RGPD2: variants seen among roughly 807,000 people sequenced by gnomAD.
The protein encoded by RGPD2 is RANBP2-like and GRIP domain-containing protein 2.
Under a neutral mutation model 36.0 loss-of-function variants are expected in RGPD2, and 2 were observed. That is an observed-to-expected ratio of 0.06 (90% CI 0.02 to 0.17). The LOEUF (loss-of-function observed/expected upper bound fraction) is 0.17. RGPD2 is among the 10% of genes least tolerant of loss of function. The pLI, the probability that RGPD2 is intolerant of heterozygous loss-of-function variation, is 1.00. For missense variants in RGPD2, 40 were observed against 464.3 expected (o/e 0.09, Z 8.40); for synonymous variants, 19 against 163.8 (o/e 0.12, Z 6.75).
At chr2:87,853,136 C>T in the RGPD2 span, among the ~76,000 whole-genome samples, 3 of 152,010 alleles carry the variant, frequency 2.0e-5, no homozygotes, top group African/African-American at 7.3e-5. Context: ...AATATTTTTG[C>T]CCCTGGTAAC....
chr2:87,886,128 T>C, the RGPD2 span, among the ~76,000 whole-genome samples: 1 of 151,962 alleles, frequency 6.6e-6, no homozygotes, highest in Non-Finnish European at 1.5e-5. Flanking sequence ...TATTTGACCA[T>C]GCTGGCCTCT....
chr2:87,980,261 G>T, the RGPD2 span, among the ~76,000 whole-genome samples: 1 of 122,100 alleles, frequency 8.2e-6, no homozygotes, highest in African/African-American at 2.9e-5. Context: ...TGAGACAGGA[G>T]AACTGCTTGA....
At chr2:87,864,053 T>C in the RGPD2 span, among the ~76,000 whole-genome samples, 2 of 151,988 alleles carry the variant, frequency 1.3e-5, no homozygotes, top group African/African-American at 4.8e-5. Context: ...CTTCTTGTTA[T>C]GGTTCATTTA....
chr2:87,807,387 T>TG lies in RGPD2; in HGVS notation c.780-497_780-496insC, dbSNP rs1240072256. Reference sequence around the variant, plus strand: ...TCATTACAGCGTTAAATTGTTTTTTTTTTTTTTTTTTTTTTTTGAGACAGA... The same window carrying TG: ...TCATTACAGCGTTAAATTGTTTTTTTGTTTTTTTTTTTTTTTTTGAGACAGA... On this transcript the variant is annotated intron_variant, in intron 6 of 22. Transcript: ENST00000398146. Among the ~76,000 whole-genome samples, 10 of 127,758 alleles carry TG rather than the reference T, an allele frequency of 7.8e-5. 1 individual carries two copies. The highest frequency in any genetic ancestry group is 3.5e-4 in the African/African-American group (10 of 28,456). The allele number at this position is 127,758 out of a possible 152,430, so 83.8% of individuals were successfully genotyped here. A position where few individuals can be genotyped will look rare whatever the true frequency, so the allele number is the denominator to read the frequency against.
At chr2:87,887,872 TA>T in the RGPD2 span, among the ~76,000 whole-genome samples, 1 of 110,494 alleles carries the variant, frequency 9.1e-6, no homozygotes. Flanking sequence ...ACTAAAAAAT[TA>T]AGCAAATGTT....
At chr2:87,937,494 C>T in the RGPD2 span, among the ~76,000 whole-genome samples, 1 of 151,668 alleles carries the variant, frequency 6.6e-6, no homozygotes, top group Non-Finnish European at 1.5e-5. Flanking sequence ...AAACTTATAA[C>T]CGTGAAGAAA....
the RGPD2 span, among the ~76,000 whole-genome samples, chr2:87,876,738 G>C: frequency 1.3e-5 from 2 of 152,198 alleles, no homozygotes; most frequent in Admixed American, 6.5e-5. Flanking sequence ...GCTTGATCCA[G>C]AGTTGAGTCC....
rs936818083 is a variant in RGPD2 at position 87,815,161 on chromosome 2, T to C, written c.402+1108A>G. On this transcript the variant is annotated intron_variant, in intron 4 of 22. Transcript: ENST00000398146. ...TGAAAGAAAACTATATACATACACA[T>C]TGTACCAATGTCAAAATTCCTGATT... 1.4e-4 allele frequency among the ~76,000 whole-genome samples: 21 copies of C among 147,932 alleles called. 3 individuals carry two copies. The highest frequency in any genetic ancestry group is 2.1e-4 in the Non-Finnish European group (14 of 67,934).
the RGPD2 span, among the ~76,000 whole-genome samples, chr2:87,841,428 G>A: frequency 2.6e-5 from 4 of 152,102 alleles, no homozygotes; most frequent in Non-Finnish European, 4.4e-5. Context: ...TTATAGCAAT[G>A]TGAGAAAAAC....
At chr2:87,857,186 A>G in the RGPD2 span, among the ~76,000 whole-genome samples, 157 of 152,360 alleles carry the variant, frequency 1.0e-3, no homozygotes, top group African/African-American at 3.7e-3. Context: ...AAAGACAAAT[A>G]AAAATTTATT....
At chr2:87,919,381 G>C in the RGPD2 span, among the ~76,000 whole-genome samples, 3 of 151,736 alleles carry the variant, frequency 2.0e-5, no homozygotes, top group African/African-American at 7.3e-5. Context: ...TAACTTGTTT[G>C]TGAATTAAAT....
upstream of RGPD2, among the ~76,000 whole-genome samples, chr2:87,827,371 G>A (rs1458113631): frequency 6.6e-6 from 1 of 152,000 alleles, no homozygotes; most frequent in Non-Finnish European, 1.5e-5. Flanking sequence ...TTTTAAATCA[G>A]AGATAACCTG....
At chr2:87,758,214 T>C in intron 22 of RGPD2, among the ~76,000 whole-genome samples, 1 of 127,402 alleles carries the variant, frequency 7.8e-6, no homozygotes, top group Non-Finnish European at 1.7e-5. Flanking sequence ...AGGCAAGTTT[T>C]GTTTTGTTTT....
At chr2:87,805,564 AT>A in intron 7 of RGPD2, among the ~76,000 whole-genome samples, 1 of 147,780 alleles carries the variant, frequency 6.8e-6, no homozygotes, top group African/African-American at 2.5e-5. Context: ...ATGCAAGCTC[AT>A]TAAAAAAAAA....
chr2:87,809,580 A>G (rs1359383409), intron 6 of RGPD2, among the ~76,000 whole-genome samples: 40 of 137,332 alleles, frequency 2.9e-4, no homozygotes, highest in Non-Finnish European at 5.8e-4. Context: ...GAGGCAGAAG[A>G]ATGGCGTGAA....
At chr2:87,937,809 G>C in the RGPD2 span, among the ~76,000 whole-genome samples, 1 of 151,986 alleles carries the variant, frequency 6.6e-6, no homozygotes, top group South Asian at 2.1e-4. Flanking sequence ...CTAGGGGACT[G>C]TGATGTCATA....
At chr2:87,857,152 C>T in the RGPD2 span, among the ~76,000 whole-genome samples, 1 of 152,112 alleles carries the variant, frequency 6.6e-6, no homozygotes, top group Non-Finnish European at 1.5e-5. Context: ...ACCTGAACTC[C>T]CTACAAAAAT....
the RGPD2 span, among the ~76,000 whole-genome samples, chr2:87,838,976 T>TA: frequency 9.7e-5 from 11 of 113,898 alleles, no homozygotes; most frequent in South Asian, 3.5e-4. Context: ...AAAGGTTTCA[T>TA]AAAAAAAAAT....
the RGPD2 span, among the ~76,000 whole-genome samples, chr2:87,839,161 T>C: frequency 4.6e-5 from 7 of 151,488 alleles, no homozygotes; most frequent in African/African-American, 1.5e-4. Context: ...TATAAGACAC[T>C]TGAACAAATT....
Sources: gnomAD v4.1 joint callset for allele counts (sites outside exome capture counted in the v4.1 genomes callset) on GRCh38, gnomAD v4.1.1 for gene constraint, MANE v1.5 for transcripts, NCBI Gene and HGNC (gene_info 2026-07-23, HGNC 2026-07-21) for gene names.